The following NSMCE4A variants were observed in gnomAD, a reference collection of about 807,000 sequenced individuals.
The protein encoded by NSMCE4A is NSE4A component of SMC5/6 complex, also known as non-structural maintenance of chromosomes element 4 homolog A.
NSMCE4A carries 40 observed loss-of-function variants against 47.9 expected under a neutral mutation model. The ratio of observed to expected loss-of-function variants is 0.83; its 90% CI spans 0.65 to 1.09. The LOEUF is 1.09. Ranked by LOEUF, NSMCE4A falls within the 50% of genes least tolerant of loss-of-function variation. NSMCE4A has a pLI of 0.00. For missense variants in NSMCE4A, 500 were observed against 507.0 expected (o/e 0.99, Z 0.13); for synonymous variants, 166 against 178.5 (o/e 0.93, Z 0.56).
intron 10 of NSMCE4A, among the ~76,000 whole-genome samples, chr10:121,958,091 T>C (rs1057290532): frequency 9.2e-5 from 14 of 152,066 alleles, no homozygotes; most frequent in Middle Eastern, 3.4e-3. Flanking sequence ...AGCTGGTCAC[T>C]GTGGCAGGTG....
intron 8 of NSMCE4A, chr10:121,959,895 G>A (rs1952467188): frequency 5.0e-6 from 2 of 401,060 alleles, no homozygotes; most frequent in South Asian, 6.3e-5. Flanking sequence ...ATAGGACATT[G>A]AGAACATTGA....
In NSMCE4A at chr10:121,967,752, C is replaced by A. The variant is rs756497019; in HGVS notation, c.556G>T (p.Asp186Tyr). The A allele has an allele frequency of 6.2e-7, 1 of 1,614,138 alleles. No individual in the cohort carries two copies. The highest frequency in any genetic ancestry group is 8.5e-7 in the Non-Finnish European group (1 of 1,180,012). ...ACTATGAATTCAAAATCAGGACTATCTTCATCACGGATGAGTTCTTCAGCT... is the reference window on the plus strand; with the variant it reads ...ACTATGAATTCAAAATCAGGACTATATTCATCACGGATGAGTTCTTCAGCT... ...LEAEELIRDE[D>Y]SPDFEFIVYD... Residue 186 changes from aspartate (D) to tyrosine (Y), a missense_variant, in exon 4 of 11, where the codon GAT (aspartate) becomes TAT (tyrosine). By Grantham distance (160) the Asp-to-Tyr change is radical (BLOSUM62 -3). Transcript: ENST00000369023.
chr10:121,960,188 A>C lies in NSMCE4A; in HGVS notation c.988+170T>G. The C allele has an allele frequency of 2.2e-6, 1 of 447,044 alleles. No individual in the cohort carries two copies. Among genetic ancestry groups the C allele is most frequent in the South Asian group, 7.0e-5 (1 of 14,268 alleles). The allele number at this position is 447,044 out of a possible 1,614,324, so 27.7% of individuals were successfully genotyped here. A position where few individuals can be genotyped will look rare whatever the true frequency, so the allele number is the denominator to read the frequency against. Reference sequence around the variant, plus strand: ...ATCAATGATATAGATGAATCCATCAAAATTTTAGACGCTGGCCATGTTTTC... The same window carrying C: ...ATCAATGATATAGATGAATCCATCACAATTTTAGACGCTGGCCATGTTTTC... On this transcript the variant is annotated intron_variant, in intron 8 of 10. Transcript: ENST00000369023. This position sits in a 1 kb window ranked among gnomAD's most constrained non-coding sequence, Gnocchi z 4.2.
At chr10:121,972,451 C>T (rs1439305715) in intron 2 of NSMCE4A, among the ~76,000 whole-genome samples, 1 of 152,144 alleles carries the variant, frequency 6.6e-6, no homozygotes, top group East Asian at 1.9e-4. Flanking sequence ...CCACTCCCTT[C>T]CCCTTTCATT....
At chr10:121,968,798 C>A (rs1952652241) in intron 3 of NSMCE4A, among the ~76,000 whole-genome samples, 1 of 152,126 alleles carries the variant, frequency 6.6e-6, no homozygotes, top group African/African-American at 2.4e-5. Flanking sequence ...GCTACAAGAG[C>A]CTGGTCAGAG....
In NSMCE4A at chr10:121,959,494, G is replaced by A; in HGVS notation, c.1083+7C>T. ...GAACTATGCAGGGGCAACAGGCAGAGCTTTACCTCCCAGTCACGGTAACTC... is the reference window on the plus strand; with the variant it reads ...GAACTATGCAGGGGCAACAGGCAGAACTTTACCTCCCAGTCACGGTAACTC... On this transcript the variant is annotated splice_region_variant and intron_variant, in intron 9 of 10. Transcript: ENST00000369023. The A allele has an allele frequency of 6.2e-7, 1 of 1,613,456 alleles. No homozygotes were observed. Among genetic ancestry groups the A allele is most frequent in the East Asian group, 2.2e-5 (1 of 44,874 alleles).
chr10:121,959,163 G>A (rs781618721), intron 10 of NSMCE4A, among the ~76,000 whole-genome samples, 161 bp downstream of exon 10: 31 of 152,138 alleles, frequency 2.0e-4, no homozygotes, highest in Non-Finnish European at 3.8e-4. Flanking sequence ...AGAAGGGAAC[G>A]CAGAACCACT....
Position 121,971,068 on chromosome 10 carries a change from C to T in NSMCE4A, c.372G>A (p.Val124=), listed in dbSNP as rs201305462. 1 of 1,605,236 alleles carries T rather than the reference C, an allele frequency of 6.2e-7. No individual in the cohort carries two copies. Among genetic ancestry groups the T allele is most frequent in the African/African-American group, 1.3e-5 (1 of 74,254 alleles). ...LEEANTLFNE[V]SRAREAVLDA... ...CCAGGACTGCTTCTCTTGCTCGGGA[C>T]ACTATTCAAAAAAGAAAGAAAATAT... The change falls in exon 3 of 11, where the codon GTG becomes GTA. Residue 124 remains valine, a splice_region_variant and synonymous_variant. Transcript: ENST00000369023.
intron 6 of NSMCE4A, chr10:121,961,741 A>T: frequency 2.3e-6 from 1 of 428,668 alleles, no homozygotes. Context: ...ATACAAGTGT[A>T]ACTGCACAAA....
At chr10:121,961,643 A>G (rs1021711292) in intron 6 of NSMCE4A, 126 bp from the exon 7 acceptor site, 1 of 576,054 alleles carries the variant, frequency 1.7e-6, no homozygotes, top group Non-Finnish European at 2.9e-6. Flanking sequence ...AATCAATCCA[A>G]CCCTTCTGGA....
chr10:121,957,442 T>C (rs1952417092), intron 10 of NSMCE4A, among the ~76,000 whole-genome samples, 183 bp from the exon 11 acceptor site: 1 of 134,210 alleles, frequency 7.5e-6, no homozygotes. Flanking sequence ...TTTTTTTTTT[T>C]TTTTTTTTGA....
In NSMCE4A at chr10:121,960,908, T is replaced by G. The variant is rs1162215658; in HGVS notation, c.940-502A>C. ...CTGAGTAGAGTTTTAAAACCAATTTTGAAATAATTTCAGACTTAAAGGGCT... is the reference window on the plus strand; with the variant it reads ...CTGAGTAGAGTTTTAAAACCAATTTGGAAATAATTTCAGACTTAAAGGGCT... On this transcript the variant is annotated intron_variant, in intron 7 of 10. Coordinates refer to ENST00000369023, the MANE Select transcript of NSMCE4A (RefSeq NM_017615.3). This position sits in a 1 kb window ranked among gnomAD's most constrained non-coding sequence, Gnocchi z 4.2. Among the ~76,000 whole-genome samples the G allele has an allele frequency of 6.6e-6, 1 of 152,192 alleles. No homozygotes were observed. The highest frequency in any genetic ancestry group is 1.5e-5 in the Non-Finnish European group (1 of 68,030).
Position 121,957,813 on chromosome 10 carries a change from T to G in NSMCE4A, c.*13-554A>C, listed in dbSNP as rs574901917. ...TTGAAGCACATATTAAGTGCTTACA[T>G]TAAGTACAAAAAAGTTTATTTTAAT... On this transcript the variant is annotated intron_variant, in intron 10 of 10. Coordinates refer to ENST00000369023, the MANE Select transcript of NSMCE4A (RefSeq NM_017615.3). 1.1e-4 allele frequency among the ~76,000 whole-genome samples: 16 copies of G among 152,142 alleles called. No homozygotes were observed. In the South Asian group the frequency reaches 3.1e-3, roughly 30 times the overall value.
Position 121,974,028 on chromosome 10 carries a change from C to T in NSMCE4A, c.346G>A (p.Glu116Lys). The change falls in exon 2 of 11, where the codon GAG (glutamate) becomes AAG (lysine). Residue 116 changes from glutamate to lysine, a missense_variant. Physicochemically the swap from Glu to Lys is moderately conservative, Grantham distance 56. Transcript: ENST00000369023. ...CCTTCATTAAACAGAGTGTTAGCCT[C>T]TTCAAGGACCTCTGTTAATTTGTCA... ...AGDKLTEVLE[E>K]ANTLFNEVSR... 1 of 1,603,738 alleles carries T rather than the reference C, an allele frequency of 6.2e-7. No individual in the cohort carries two copies. Among genetic ancestry groups the T allele is most frequent in the African/African-American group, 1.3e-5 (1 of 74,820 alleles).
intron 6 of NSMCE4A, chr10:121,961,923 C>T (rs938342439): frequency 4.4e-6 from 1 of 225,918 alleles, no homozygotes; most frequent in Non-Finnish European, 8.9e-6. Context: ...GCCAACATGG[C>T]GAAACAATGT....
intron 6 of NSMCE4A, chr10:121,962,122 AAAAAAT>A: frequency 2.5e-6 from 1 of 401,778 alleles, no homozygotes; most frequent in Admixed American, 3.0e-5. Context: ...AAAAAAAAAA[AAAAAAT>A]AGGAACTTGG....
rs1024167981 is a variant in NSMCE4A at position 121,959,585 on chromosome 10, A to C, written c.999T>G (p.Ser333Arg). The C allele has an allele frequency of 3.1e-6, 5 of 1,612,806 alleles. No homozygotes were observed. In the African/African-American group the frequency reaches 6.7e-5, roughly 22 times the overall value. Residue 333 changes from serine (S) to arginine (R), a missense_variant, in exon 9 of 11, where the codon AGT becomes AGG. By Grantham distance (110) the Ser-to-Arg change is moderately radical. Transcript: ENST00000369023. ...CAAATCCCTCATTTTCTTCATTAAT[A>C]CTAACAGGCTCTGTTTGAAAGACAA... ...QDRLPVIEPVSINEENEGFEH... is the reference protein window; with the variant it reads ...QDRLPVIEPVRINEENEGFEH...
chr10:121,962,368 A>G (rs1217314457), intron 6 of NSMCE4A, among the ~76,000 whole-genome samples: 2 of 150,832 alleles, frequency 1.3e-5, no homozygotes, highest in African/African-American at 4.9e-5. Flanking sequence ...GCAGTGAGCC[A>G]AGATCGCGCC....
intron 1 of NSMCE4A, chr10:121,974,440 A>G (rs3936070): frequency 0.15 from 156,122 of 1,016,386 alleles, 12,493 homozygotes; most frequent in Middle Eastern, 0.17. Context: ...CAGAGATTCG[A>G]ATTCCGCGGG....
Sources: allele counts gnomAD v4.1 joint callset (sites outside exome capture counted in the v4.1 genomes callset), GRCh38; gene constraint gnomAD v4.1.1; non-coding constraint Gnocchi (gnomAD v3.1); transcripts MANE v1.5; gene names NCBI Gene and HGNC (gene_info 2026-07-23, HGNC 2026-07-21).